Variants in SEMA3A observed in about 807,000 individuals in gnomAD.
SEMA3A encodes semaphorin-3A.
A neutral mutation model predicts 97.9 loss-of-function variants in SEMA3A; 29 were observed. The ratio of observed to expected loss-of-function variants is 0.30; its 90% CI spans 0.22 to 0.40. SEMA3A has a LOEUF of 0.40. Among genes scored for constraint, SEMA3A ranks in the 10% least tolerant of loss-of-function variants. The pLI is 1.00. For synonymous variants in SEMA3A, 321 were observed against 323.7 expected, an observed-to-expected ratio of 0.99 and a Z score of 0.09; for missense variants, 763 against 951.3, an observed-to-expected ratio of 0.80 and a Z score of 2.60.
chr7:84,169,750 C>T (rs1797328018), intron 1 of SEMA3A, among the ~76,000 whole-genome samples: 1 of 151,352 alleles, frequency 6.6e-6, no homozygotes, highest in South Asian at 2.1e-4. Context: ...TTAAATAATG[C>T]AATTACAAAT....
chr7:84,280,976 C>T (rs1259144290), intron 3 of SEMA3A, among the ~76,000 whole-genome samples: 2 of 151,990 alleles, frequency 1.3e-5, no homozygotes, highest in Non-Finnish European at 2.9e-5. Flanking sequence ...CTGTTATAAA[C>T]GATATACTTC....
chr7:84,431,048 G>T (rs965929739), intron 1 of SEMA3A, among the ~76,000 whole-genome samples: 1 of 151,860 alleles, frequency 6.6e-6, no homozygotes, highest in Non-Finnish European at 1.5e-5. Flanking sequence ...AGCTCTAAAA[G>T]CATTAGATAT....
intron 4 of SEMA3A, among the ~76,000 whole-genome samples, chr7:84,078,608 A>G (rs1310672193): frequency 1.3e-5 from 2 of 152,058 alleles, no homozygotes; most frequent in African/African-American, 2.4e-5. Flanking sequence ...TTAGCAATTA[A>G]TCATGGTTGG....
intron 1 of SEMA3A, among the ~76,000 whole-genome samples, chr7:84,405,812 A>G (rs185048365): frequency 0.11 from 17,466 of 152,146 alleles, 1,886 homozygotes; most frequent in African/African-American, 0.27. Flanking sequence ...GGTACATAAC[A>G]AAATGAAGGC....
chr7:84,024,777 T>C (rs1251688638), intron 6 of SEMA3A, among the ~76,000 whole-genome samples: 1 of 152,138 alleles, frequency 6.6e-6, no homozygotes, highest in African/African-American at 2.4e-5. Flanking sequence ...TGTATACAAA[T>C]GTATGTTTAA....
At chr7:84,122,808 G>C (rs1344567728) in intron 3 of SEMA3A, among the ~76,000 whole-genome samples, 1 of 152,078 alleles carries the variant, frequency 6.6e-6, no homozygotes. Flanking sequence ...CCTGCAATTT[G>C]AGCCACAGTA....
At chr7:84,264,446 T>C (rs1171447276) in intron 3 of SEMA3A, among the ~76,000 whole-genome samples, 3 of 152,230 alleles carry the variant, frequency 2.0e-5, no homozygotes, top group African/African-American at 7.2e-5. Flanking sequence ...CAAAAATTAC[T>C]TCTGCGGTTT....
At chr7:84,158,148 CTTTTTTTTT>C (rs1187182577) in intron 1 of SEMA3A, among the ~76,000 whole-genome samples, 3 of 82,296 alleles carry the variant, frequency 3.6e-5, no homozygotes, top group South Asian at 5.0e-4. Context: ...ACAGCTAATT[CTTTTTTTTT>C]TTTTTTTTTT....
chr7:84,438,518 C>T (rs946509314), intron 1 of SEMA3A, among the ~76,000 whole-genome samples: 2 of 152,062 alleles, frequency 1.3e-5, no homozygotes, highest in Non-Finnish European at 1.5e-5. Flanking sequence ...AGCTAGATAA[C>T]ATTTCTCTAG....
intron 4 of SEMA3A, among the ~76,000 whole-genome samples, chr7:84,083,221 C>T (rs912296749): frequency 3.3e-5 from 5 of 149,650 alleles, no homozygotes; most frequent in African/African-American, 1.3e-4. Flanking sequence ...TATATATATA[C>T]ACACACACGT....
At position 84,136,908 on chromosome 7, in the gene SEMA3A, C is replaced by CA. The variant is rs200335102; in HGVS notation, c.113-1958dup. ...TACCCCACCCCACTCTCCACACACA[C>CA]AAAAAAAAGAAGAAGGGGAGGAAGG... On this transcript the variant is annotated intron_variant, in intron 1 of 16. Coordinates refer to ENST00000265362, the MANE Select transcript of SEMA3A (RefSeq NM_006080.3). 2.9e-4 allele frequency among the ~76,000 whole-genome samples: 41 copies of CA among 143,118 alleles called. No individual in the cohort carries two copies. The East Asian group carries it at 8.2e-3, about 29-fold the overall frequency. The allele number at this position is 143,118 out of a possible 152,430, so 93.9% of individuals were successfully genotyped here.
intron 1 of SEMA3A, among the ~76,000 whole-genome samples, chr7:84,416,009 G>A (rs1294454381): frequency 6.6e-6 from 1 of 151,906 alleles, no homozygotes; most frequent in African/African-American, 2.4e-5. Context: ...TTCCTTAGTA[G>A]GTAGACCAGT....
chr7:84,190,801 T>A (rs966089441), intron 1 of SEMA3A, among the ~76,000 whole-genome samples: 7 of 149,972 alleles, frequency 4.7e-5, no homozygotes, highest in Non-Finnish European at 1.0e-4. Context: ...TACGAAGAAT[T>A]GTATTGTGAT....
intron 3 of SEMA3A, among the ~76,000 whole-genome samples, chr7:84,230,937 C>T (rs1482236766): frequency 2.0e-5 from 3 of 151,736 alleles, no homozygotes; most frequent in Non-Finnish European, 4.4e-5. Flanking sequence ...CCAGTTATTC[C>T]AACAGCATTT....
At position 84,446,686 on chromosome 7, in the gene SEMA3A, CT is replaced by C. The variant is rs34747037; in HGVS notation, c.-246+45773del. 2.9e-3 allele frequency among the ~76,000 whole-genome samples: 447 copies of C among 152,292 alleles called. 1 individual carries two copies. Among genetic ancestry groups the C allele is most frequent in the African/African-American group, 0.01 (429 of 41,556 alleles). ...AACATAGAGGCCATATATGAAAGCA[CT>C]CAAGGAATATCATAGTTGGTGAAAG... On this transcript the variant is annotated intron_variant, in intron 1 of 3. Transcript: ENST00000424555.
chr7:84,287,077 A>G lies in SEMA3A; in HGVS notation c.-83+20130T>C, dbSNP rs148221852. ...GTCAGGCTATTTTTATCTCTTGATG[A>G]AAGTAAAAATAAAGTTTGCATTACC... On this transcript the variant is annotated intron_variant, in intron 3 of 3. Transcript: ENST00000424555. Among the ~76,000 whole-genome samples, 385 of 152,226 alleles carry G rather than the reference A, an allele frequency of 2.5e-3. 1 individual carries two copies. The highest frequency in any genetic ancestry group is 8.9e-3 in the African/African-American group (369 of 41,576).
chr7:84,432,044 G>A (rs1212333554), intron 1 of SEMA3A, among the ~76,000 whole-genome samples: 1 of 151,948 alleles, frequency 6.6e-6, no homozygotes, highest in East Asian at 1.9e-4. Flanking sequence ...GTGGATTATT[G>A]ACCCCCAAAA....
chr7:84,168,097 G>T (rs1278503811), intron 1 of SEMA3A, among the ~76,000 whole-genome samples: 1 of 151,958 alleles, frequency 6.6e-6, no homozygotes, highest in African/African-American at 2.4e-5. Context: ...CATATTTTAA[G>T]GTCAAAGATA....
intron 1 of SEMA3A, among the ~76,000 whole-genome samples, chr7:84,467,227 G>T (rs1806020591): frequency 6.6e-6 from 1 of 152,004 alleles, no homozygotes; most frequent in African/African-American, 2.4e-5. Flanking sequence ...GATTAAAGTA[G>T]AAATCAATTC....
Sources: gnomAD v4.1 joint callset for allele counts (sites outside exome capture counted in the v4.1 genomes callset) on GRCh38, gnomAD v4.1.1 for gene constraint, MANE v1.5 for transcripts, NCBI Gene and HGNC (gene_info 2026-07-23, HGNC 2026-07-21) for gene names.